Variants in RNF13 observed in about 807,000 individuals in gnomAD.
RNF13 encodes E3 ubiquitin-protein ligase RNF13.
Under a neutral mutation model 37.7 loss-of-function variants are expected in RNF13, and 19 were observed. The ratio of observed to expected loss-of-function variants is 0.50; its 90% CI spans 0.35 to 0.74. The LOEUF (loss-of-function observed/expected upper bound fraction) is 0.74, where lower values mean the gene tolerates loss of function less well. Among genes scored for constraint, RNF13 ranks in the 30% least tolerant of loss-of-function variants. RNF13 has a pLI of 0.01. For synonymous variants in RNF13, 144 were observed against 157.8 expected (o/e 0.91, Z 0.65); for missense variants, 375 against 453.0 (o/e 0.83, Z 1.56).
intron 4 of RNF13, among the ~76,000 whole-genome samples, chr3:149,883,630 T>G (rs1713673322): frequency 6.6e-6 from 1 of 152,202 alleles, no homozygotes; most frequent in East Asian, 1.9e-4. Flanking sequence ...GGTCTGTTTC[T>G]GTTGAATGGT....
chr3:149,855,837 T>C (rs1463538179), intron 3 of RNF13, among the ~76,000 whole-genome samples: 1 of 152,192 alleles, frequency 6.6e-6, no homozygotes, highest in Non-Finnish European at 1.5e-5. Flanking sequence ...ATTATCGGTC[T>C]TTCTAACTCT....
intron 1 of RNF13, among the ~76,000 whole-genome samples, chr3:149,830,241 T>TGGAGG: frequency 3.3e-5 from 1 of 30,204 alleles, no homozygotes; most frequent in African/African-American, 1.5e-4. Context: ...TGGAACAGTT[T>TGGAGG]GGAGGGCTCA....
At chr3:149,820,067 CTG>C (rs1719873487) in intron 1 of RNF13, among the ~76,000 whole-genome samples, 1 of 151,932 alleles carries the variant, frequency 6.6e-6, no homozygotes, top group South Asian at 2.1e-4. Flanking sequence ...GAAAAGAAAA[CTG>C]AAATTTTGGG....
At chr3:149,952,347 C>G (rs747333191) in intron 8 of RNF13, among the ~76,000 whole-genome samples, 2 of 151,990 alleles carry the variant, frequency 1.3e-5, no homozygotes, top group Admixed American at 6.6e-5. Flanking sequence ...AATCAACAAG[C>G]AGAAGTCATC....
chr3:149,843,293 C>T (rs1024246345), intron 1 of RNF13, among the ~76,000 whole-genome samples: 8 of 152,052 alleles, frequency 5.3e-5, no homozygotes, highest in Non-Finnish European at 8.8e-5. Flanking sequence ...TTCTGGTATC[C>T]GCAGGGAGTC....
At chr3:149,816,812 A>G (rs1719505162) in intron 1 of RNF13, among the ~76,000 whole-genome samples, 1 of 152,218 alleles carries the variant, frequency 6.6e-6, no homozygotes, top group Admixed American at 6.5e-5. Flanking sequence ...GAAGAGTGGA[A>G]GCCTAGAAGT....
intron 1 of RNF13, among the ~76,000 whole-genome samples, chr3:149,833,254 G>A (rs373477273): frequency 5.3e-5 from 8 of 151,554 alleles, no homozygotes; most frequent in Admixed American, 2.0e-4. Flanking sequence ...CGAGTAGCTG[G>A]GATTACAGGT....
rs1722423203 is a variant in RNF13 at position 149,961,474 on chromosome 3, C to G, written c.*370C>G. The stretch of plus-strand genomic sequence containing the variant: ...CTACAGCCACCTAGCATGAACTAAC[C>G]CAGCTTCCACCTCCATAAAGTTACC... On this transcript the variant is annotated 3_prime_UTR_variant, in exon 10 of 10. Transcript: ENST00000392894. The G allele has an allele frequency of 2.7e-6, 1 of 375,012 alleles. No homozygotes were observed. The highest frequency in any genetic ancestry group is 2.2e-5 in the African/African-American group (1 of 45,998). The allele number at this position is 375,012 out of a possible 1,614,324, so 23.2% of individuals were successfully genotyped here.
At chr3:149,933,066 A>C (rs1226659518) in intron 8 of RNF13, among the ~76,000 whole-genome samples, 1 of 152,142 alleles carries the variant, frequency 6.6e-6, no homozygotes, top group African/African-American at 2.4e-5. Context: ...GGAAACCAGC[A>C]AGGATTACAG....
At chr3:149,819,496 C>T (rs551258977) in intron 1 of RNF13, among the ~76,000 whole-genome samples, 4 of 152,256 alleles carry the variant, frequency 2.6e-5, no homozygotes, top group African/African-American at 9.6e-5. Flanking sequence ...GTGCTAGATG[C>T]TAGGTATTGT....
At chr3:149,868,474 T>C (rs991745563) in intron 3 of RNF13, among the ~76,000 whole-genome samples, 1 of 151,750 alleles carries the variant, frequency 6.6e-6, no homozygotes, top group Non-Finnish European at 1.5e-5. Flanking sequence ...TTTACTGGAT[T>C]TGGTATTCTT....
In RNF13 at chr3:149,833,621, A is replaced by G. The variant is rs1193456412; in HGVS notation, c.-16-12390A>G. Among the ~76,000 whole-genome samples the G allele has an allele frequency of 3.3e-5, 5 of 152,352 alleles. No individual in the cohort carries two copies. The East Asian group carries it at 9.7e-4, about 29-fold the overall frequency. On this transcript the variant is annotated intron_variant, in intron 1 of 9. Transcript: ENST00000392894. ...TGAAAATAGAAGGAGACTACCTCAG[A>G]ATAAAGGCCATGTGTAAAAAACCGA...
intron 3 of RNF13, among the ~76,000 whole-genome samples, chr3:149,852,857 C>T (rs73155076): frequency 1.4e-3 from 217 of 151,294 alleles, no homozygotes; most frequent in Non-Finnish European, 2.6e-3. Flanking sequence ...ATGTGCTATG[C>T]GTGTGTTTGT....
rs182785759 is a variant in RNF13 at position 149,912,771 on chromosome 3, G to T, written c.606+688G>T. Among the ~76,000 whole-genome samples the T allele has an allele frequency of 2.0e-5, 3 of 152,202 alleles. No homozygotes were observed. The East Asian group carries it at 5.8e-4, about 29-fold the overall frequency. ...AATGACATATTATTTCTCCATAACG[G>T]TGGTTATCAAAATACGGTTACAAGA... is the stretch of plus-strand genomic sequence containing the variant. On this transcript the variant is annotated intron_variant, in intron 7 of 9. Coordinates refer to ENST00000392894, the MANE Select transcript of RNF13 (RefSeq NM_183381.3).
In RNF13 at chr3:149,828,765, C is replaced by G. The variant is rs182213154; in HGVS notation, c.-17+15412C>G. 2.0e-5 allele frequency among the ~76,000 whole-genome samples: 3 copies of G among 152,150 alleles called. No homozygotes were observed. The East Asian group carries it at 5.8e-4, about 29-fold the overall frequency. ...GAATAATGACTTGGTACGCCACTTA[C>G]CAATCTTTGGTTCAAAACAGTGCTT... On this transcript the variant is annotated intron_variant, in intron 1 of 9. Transcript: ENST00000392894.
At chr3:149,853,432 C>CTG (rs1187529094) in intron 3 of RNF13, among the ~76,000 whole-genome samples, 1 of 123,556 alleles carries the variant, frequency 8.1e-6, no homozygotes, top group African/African-American at 3.1e-5. Flanking sequence ...ATATTTTTTG[C>CTG]TGTGTGTGTG....
At position 149,840,800 on chromosome 3, in the gene RNF13, A is replaced by T. The variant is rs3772202; in HGVS notation, c.-16-5211A>T. 2.7e-3 allele frequency among the ~76,000 whole-genome samples: 409 copies of T among 151,852 alleles called. 3 individuals carry two copies. The highest frequency in any genetic ancestry group is 9.2e-3 in the African/African-American group (384 of 41,568). On this transcript the variant is annotated intron_variant, in intron 1 of 9. Transcript: ENST00000392894. ...AGCTTGGTAGGAGGTAGGAGGATAG[A>T]GACTGGGAGCACAACATATCAACAT...
chr3:149,895,460 T>C lies in RNF13; in HGVS notation c.322-13T>C. 6.7e-7 allele frequency: 1 copy of C among 1,501,868 alleles called. No individual in the cohort carries two copies. The highest frequency in any genetic ancestry group is 1.2e-5 in the South Asian group (1 of 80,912). The allele number at this position is 1,501,868 out of a possible 1,614,324, so 93.0% of individuals were successfully genotyped here. A position where few individuals can be genotyped will look rare whatever the true frequency, so the allele number is the denominator to read the frequency against. ...TTATAACATAATTTTTTTTTTTTTT[T>C]TTTGCTTTGCAGGTTTTAAATGCAC... On this transcript the variant is annotated splice_polypyrimidine_tract_variant and intron_variant, in intron 4 of 9. Coordinates refer to ENST00000392894, the MANE Select transcript of RNF13 (RefSeq NM_183381.3).
At chr3:149,873,801 C>G (rs776881824) in intron 4 of RNF13, among the ~76,000 whole-genome samples, 6 of 152,090 alleles carry the variant, frequency 3.9e-5, no homozygotes, top group Admixed American at 6.5e-5. Flanking sequence ...GTAAATACTT[C>G]CTTCATTGCT....
Sources: allele counts gnomAD v4.1 joint callset (sites outside exome capture counted in the v4.1 genomes callset), GRCh38; gene constraint gnomAD v4.1.1; transcripts MANE v1.5; gene names NCBI Gene and HGNC (gene_info 2026-07-23, HGNC 2026-07-21).